The following MYBPC1 variants were observed in gnomAD, a reference collection of about 807,000 sequenced individuals.
MYBPC1 encodes myosin binding protein C1.
In MYBPC1, 52 loss-of-function variants were observed where a neutral mutation model predicts 147.1. The ratio of observed to expected loss-of-function variants is 0.35; its 90% CI spans 0.28 to 0.45. The LOEUF (loss-of-function observed/expected upper bound fraction) is 0.45, where lower values mean the gene tolerates loss of function less well. Among genes scored for constraint, MYBPC1 ranks in the 20% least tolerant of loss-of-function variants. The pLI, the probability that MYBPC1 is intolerant of heterozygous loss-of-function variation, is 1.00. For synonymous variants in MYBPC1, 477 were observed against 475.9 expected (o/e 1.00, Z -0.03); for missense variants, 1,228 against 1,440.3 (o/e 0.85, Z 2.39).
At chr12:101,640,513 T>C (rs1324639801) in intron 10 of MYBPC1, among the ~76,000 whole-genome samples, 6 of 152,364 alleles carry the variant, frequency 3.9e-5, no homozygotes, top group African/African-American at 1.2e-4. Context: ...TTCAGTGAGA[T>C]GAAGATAATG....
At chr12:101,659,073 A>G (rs1896080941) in intron 18 of MYBPC1, among the ~76,000 whole-genome samples, 1 of 152,252 alleles carries the variant, frequency 6.6e-6, no homozygotes, top group Non-Finnish European at 1.5e-5. Context: ...GAAAGAAAAT[A>G]TAATAGGAGG....
intron 16 of MYBPC1, 42 bp from the exon 17 acceptor site, chr12:101,652,636 G>A: frequency 1.4e-6 from 2 of 1,421,568 alleles, no homozygotes; most frequent in Non-Finnish European, 2.0e-6. Flanking sequence ...ATATAAACTA[G>A]ATCTTTGGAG....
intron 6 of MYBPC1, 23 bp from the exon 7 acceptor site, chr12:101,631,548 T>C: frequency 6.2e-7 from 1 of 1,613,154 alleles, no homozygotes; most frequent in African/African-American, 1.3e-5. Context: ...AAGAGCAAGC[T>C]GAATCCCTTA....
intron 18 of MYBPC1, among the ~76,000 whole-genome samples, chr12:101,657,984 T>G (rs1895847510): frequency 6.6e-6 from 1 of 151,916 alleles, no homozygotes; most frequent in African/African-American, 2.4e-5. Flanking sequence ...CAAAAAAAAT[T>G]AGCCGGGCGT....
chr12:101,627,760 T>C lies in MYBPC1; in HGVS notation c.143-9T>C, dbSNP rs2136002148. 2 of 1,613,670 alleles carry C rather than the reference T, an allele frequency of 1.2e-6. No individual in the cohort carries two copies. The highest frequency in any genetic ancestry group is 1.7e-6 in the Non-Finnish European group (2 of 1,179,724). ...CCTCTGCATCACCCAAATCACACTT[T>C]CCTTTCAGGTTTGGGTAGTCGGGCC... On this transcript the variant is annotated splice_polypyrimidine_tract_variant and intron_variant, in intron 4 of 31. Coordinates refer to ENST00000361466, the MANE Select transcript of MYBPC1 (RefSeq NM_002465.4).
At chr12:101,596,390 T>C (rs1321320344) in intron 1 of MYBPC1, among the ~76,000 whole-genome samples, 4 of 152,228 alleles carry the variant, frequency 2.6e-5, no homozygotes, top group African/African-American at 4.8e-5. Flanking sequence ...AGTATCTTAT[T>C]TGTAATGCAA....
chr12:101,636,608 G>A, intron 9 of MYBPC1, 64 bp from the exon 10 acceptor site: 1 of 1,370,180 alleles, frequency 7.3e-7, no homozygotes, highest in Non-Finnish European at 1.0e-6. Flanking sequence ...TAGAGTGTTT[G>A]GGGGAAATTG....
At chr12:101,633,031 G>A (rs913528421) in intron 8 of MYBPC1, among the ~76,000 whole-genome samples, 9 of 152,164 alleles carry the variant, frequency 5.9e-5, no homozygotes, top group East Asian at 1.9e-4. Context: ...CACTGTGCCC[G>A]GCCATGAATG....
At chr12:101,597,150 T>C (rs1877604991) in intron 1 of MYBPC1, among the ~76,000 whole-genome samples, 1 of 152,222 alleles carries the variant, frequency 6.6e-6, no homozygotes, top group African/African-American at 2.4e-5. Flanking sequence ...CTTCTTCTCC[T>C]AACTGTGATT....
At chr12:101,606,227 C>CAT (rs1040341849) in intron 1 of MYBPC1, among the ~76,000 whole-genome samples, 1 of 151,814 alleles carries the variant, frequency 6.6e-6, no homozygotes. Flanking sequence ...CACACACACA[C>CAT]ACACACACAA....
intron 10 of MYBPC1, among the ~76,000 whole-genome samples, chr12:101,638,116 A>G (rs115060458): frequency 0.016 from 2,402 of 152,312 alleles, 52 homozygotes; most frequent in African/African-American, 0.055. Flanking sequence ...CTGTGACTCC[A>G]TATTAAAGAT....
chr12:101,599,092 C>T (rs753085004), intron 1 of MYBPC1, among the ~76,000 whole-genome samples: 6 of 152,100 alleles, frequency 3.9e-5, no homozygotes, highest in Non-Finnish European at 8.8e-5. Context: ...TCTCATGTTC[C>T]GTGTAAGATC....
intron 18 of MYBPC1, 137 bp downstream of exon 18, chr12:101,653,385 C>T: frequency 1.6e-6 from 2 of 1,218,174 alleles, no homozygotes; most frequent in Non-Finnish European, 1.2e-6. Flanking sequence ...AGATGTAATT[C>T]CTTTGAAAAA....
In MYBPC1 at chr12:101,599,650, G is replaced by A. The variant is rs75248283; in HGVS notation, c.25+4555G>A. 3.2e-3 allele frequency among the ~76,000 whole-genome samples: 487 copies of A among 152,230 alleles called. 3 individuals are homozygous for A. The highest frequency in any genetic ancestry group is 0.012 in the African/African-American group (479 of 41,520). On this transcript the variant is annotated intron_variant, in intron 1 of 31. Transcript: ENST00000361466. ...AAATATTATCCTTACCTCAAATTGGGGAAAGGTTAATAATTTATGCAGAAA... is the reference window on the plus strand; with the variant it reads ...AAATATTATCCTTACCTCAAATTGGAGAAAGGTTAATAATTTATGCAGAAA...
intron 9 of MYBPC1, among the ~76,000 whole-genome samples, chr12:101,635,716 G>T (rs955718594): frequency 6.6e-5 from 10 of 152,134 alleles, no homozygotes; most frequent in East Asian, 1.9e-4. Flanking sequence ...AACACCTGAA[G>T]AAATTTTGAA....
At chr12:101,597,455 G>A (rs892416467) in intron 1 of MYBPC1, among the ~76,000 whole-genome samples, 10 of 152,190 alleles carry the variant, frequency 6.6e-5, no homozygotes, top group African/African-American at 2.4e-4. Context: ...TTCAGCACCT[G>A]AAGGTACAAA....
rs758496406 is a variant in MYBPC1, at chr12:101,670,426, C to T, written c.2613+17C>T. ...CCTTTCCAGGTAAGAGTTCAAGGGT[C>T]GCTCTTTTTCTCTTTAGAGGGCTGG... On this transcript the variant is annotated intron_variant, in intron 24 of 31. Transcript: ENST00000361466. 6 of 1,596,778 alleles carry T rather than the reference C, an allele frequency of 3.8e-6. No homozygotes were observed. Among genetic ancestry groups the T allele is most frequent in the South Asian group, 2.2e-5 (2 of 90,712 alleles).
At chr12:101,695,569 C>G in the MYBPC1 span, among the ~76,000 whole-genome samples, 59 of 152,246 alleles carry the variant, frequency 3.9e-4, no homozygotes, top group South Asian at 1.0e-3. Flanking sequence ...GAGAGGCACC[C>G]CAGTTTGCTC....
Position 101,659,692 on chromosome 12 carries a change from C to T in MYBPC1, c.1788C>T (p.Gly596=). 6.2e-7 allele frequency: 1 copy of T among 1,614,046 alleles called. No homozygotes were observed. The highest frequency in any genetic ancestry group is 8.5e-7 in the Non-Finnish European group (1 of 1,179,976). The change falls in exon 19 of 32, where the codon GGC becomes GGT. Residue 596 remains glycine, a synonymous_variant. Coordinates refer to ENST00000361466, the MANE Select transcript of MYBPC1 (RefSeq NM_002465.4). The part of the protein sequence containing the change: ...RGDKAIMEGS[G]RIRTESYPDS... ...CTTAGGCTATTATGGAAGGCAGTGG[C>T]CGGATAAGAACAGAATCTTACCCTG...
Sources: allele counts gnomAD v4.1 joint callset (sites outside exome capture counted in the v4.1 genomes callset), GRCh38; gene constraint gnomAD v4.1.1; transcripts MANE v1.5; gene names NCBI Gene and HGNC (gene_info 2026-07-23, HGNC 2026-07-21).